CSMD2: variants seen among roughly 807,000 people sequenced by gnomAD.
The protein encoded by CSMD2 is CUB and Sushi multiple domains 2.
CSMD2 carries 130 observed loss-of-function variants against 398.5 expected under a neutral mutation model. That is an observed-to-expected ratio of 0.33 (90% CI 0.28 to 0.38). The LOEUF (loss-of-function observed/expected upper bound fraction) is 0.38, where lower values mean the gene tolerates loss of function less well. CSMD2 is among the 10% of genes least tolerant of loss of function. The probability of loss-of-function intolerance (pLI) is 1.00; values close to 1 mark genes in which losing one functional copy is unlikely to be tolerated. For missense variants in CSMD2, 3,829 were observed against 4,764.9 expected (o/e 0.80, Z 5.78); for synonymous variants, 1,828 against 1,908.5 (o/e 0.96, Z 1.10).
intron 10 of CSMD2, among the ~76,000 whole-genome samples, chr1:33,797,821 G>T (rs988749286): frequency 8.5e-5 from 13 of 152,108 alleles, no homozygotes; most frequent in Non-Finnish European, 1.5e-4. Flanking sequence ...CCAGCCCTGG[G>T]GCAGAGGACA....
chr1:34,121,958 G>C (rs1571188192), intron 1 of CSMD2, among the ~76,000 whole-genome samples: 1 of 150,812 alleles, frequency 6.6e-6, no homozygotes, highest in Middle Eastern at 3.5e-3. Context: ...AATAGGGTTA[G>C]TTAACACTCT....
At chr1:33,732,229 T>C in intron 15 of CSMD2, among the ~76,000 whole-genome samples, 1 of 152,170 alleles carries the variant, frequency 6.6e-6, no homozygotes, top group East Asian at 1.9e-4. Context: ...CCTGTGACTG[T>C]CCCAGCACCT....
chr1:34,002,031 T>C (rs563302673), intron 3 of CSMD2, among the ~76,000 whole-genome samples: 18 of 152,342 alleles, frequency 1.2e-4, no homozygotes, highest in African/African-American at 4.1e-4. Flanking sequence ...CCTTCAACCT[T>C]TGTTTTTTTT....
intron 3 of CSMD2, among the ~76,000 whole-genome samples, chr1:34,019,852 T>A (rs1028645665): frequency 5.9e-5 from 9 of 152,210 alleles, no homozygotes; most frequent in Admixed American, 5.9e-4. Context: ...ACTCCACAAC[T>A]GCCCTTCTTG....
intron 29 of CSMD2, among the ~76,000 whole-genome samples, chr1:33,639,803 C>T (rs1643009767): frequency 6.6e-6 from 1 of 152,176 alleles, no homozygotes; most frequent in South Asian, 2.1e-4. Context: ...ATAATAATGA[C>T]ATGGATAATG....
At chr1:34,083,085 A>T (rs1657440827) in intron 2 of CSMD2, among the ~76,000 whole-genome samples, 1 of 152,106 alleles carries the variant, frequency 6.6e-6, no homozygotes, top group Non-Finnish European at 1.5e-5. Flanking sequence ...AAAAATTAAA[A>T]AAAAAAAAAA....
intron 3 of CSMD2, among the ~76,000 whole-genome samples, chr1:33,939,904 G>A (rs1370607808): frequency 1.3e-5 from 2 of 152,192 alleles, no homozygotes; most frequent in African/African-American, 2.4e-5. Flanking sequence ...TTCCCTCACT[G>A]GCCTTCAATT....
intron 1 of CSMD2, among the ~76,000 whole-genome samples, chr1:34,160,404 A>G (rs921773615): frequency 6.6e-6 from 1 of 152,208 alleles, no homozygotes; most frequent in African/African-American, 2.4e-5. Context: ...TGGTATGCCA[A>G]GGGCTTATTG....
chr1:33,674,844 G>C (rs1644644575), intron 25 of CSMD2, among the ~76,000 whole-genome samples: 1 of 152,174 alleles, frequency 6.6e-6, no homozygotes, highest in Non-Finnish European at 1.5e-5. Context: ...TGAACAATCT[G>C]CTCCTGAATG....
At chr1:34,044,925 C>T (rs111267129) in intron 2 of CSMD2, among the ~76,000 whole-genome samples, 2 of 152,194 alleles carry the variant, frequency 1.3e-5, no homozygotes, top group African/African-American at 4.8e-5. Flanking sequence ...CTACTCCAGA[C>T]AGCAGCCACT....
chr1:34,141,945 G>A (rs1481835326), intron 1 of CSMD2, among the ~76,000 whole-genome samples: 1 of 152,116 alleles, frequency 6.6e-6, no homozygotes, highest in African/African-American at 2.4e-5. Context: ...GCTTGATGTG[G>A]GGAGAGAAGG....
chr1:34,028,016 C>T (rs982225072), intron 3 of CSMD2, among the ~76,000 whole-genome samples: 7 of 152,218 alleles, frequency 4.6e-5, no homozygotes, highest in African/African-American at 1.4e-4. Flanking sequence ...ATGCAGGATG[C>T]TCAGTTATAT....
chr1:33,729,722 C>T (rs116733335), intron 15 of CSMD2, among the ~76,000 whole-genome samples: 7 of 151,858 alleles, frequency 4.6e-5, no homozygotes, highest in African/African-American at 1.7e-4. Flanking sequence ...AGATGATTGA[C>T]CTCACTCTTA....
chr1:33,759,324 C>CTTTTTTTTTTTTT (rs756784492), intron 13 of CSMD2, among the ~76,000 whole-genome samples: 3 of 124,776 alleles, frequency 2.4e-5, no homozygotes, highest in Non-Finnish European at 3.4e-5. Context: ...CTTTTTTTTT[C>CTTTTTTTTTTTTT]TTTTTTTTTT....
rs561920209 is a variant in CSMD2 at position 33,920,297 on chromosome 1, G to A, written c.713-1996C>T. Among the ~76,000 whole-genome samples the A allele has an allele frequency of 9.8e-4, 149 of 151,848 alleles. No individual in the cohort carries two copies. In the Middle Eastern group the frequency reaches 0.02, roughly 21 times the overall value. ...TAATCCCAGCAATTTGGGAGGCCGA[G>A]GTGGGCGGATCAACTGAGGTCAGGA... On this transcript the variant is annotated intron_variant, in intron 4 of 70. Transcript: ENST00000373381.
intron 7 of CSMD2, 116 bp from the exon 8 acceptor site, chr1:33,820,672 G>A: frequency 1.4e-6 from 1 of 711,526 alleles, no homozygotes; most frequent in South Asian, 1.8e-5. Flanking sequence ...GAGACAGAAT[G>A]AGGCCCTGCT....
At chr1:33,698,149 G>C (rs1645484690) in intron 24 of CSMD2, among the ~76,000 whole-genome samples, 1 of 152,198 alleles carries the variant, frequency 6.6e-6, no homozygotes. Context: ...TCAGATCACT[G>C]TCTCTTGTCC....
chr1:34,128,480 C>T (rs879879829), intron 1 of CSMD2, among the ~76,000 whole-genome samples: 2 of 152,196 alleles, frequency 1.3e-5, no homozygotes, highest in Admixed American at 6.5e-5. Context: ...CAAGCCAGCA[C>T]GTTGTCGAAG....
At chr1:33,637,084 T>C (rs1161840342) in intron 29 of CSMD2, among the ~76,000 whole-genome samples, 1 of 152,220 alleles carries the variant, frequency 6.6e-6, no homozygotes, top group Non-Finnish European at 1.5e-5. Flanking sequence ...TCCTCTCTCT[T>C]CTGCCCCATC....
Sources: allele counts gnomAD v4.1 joint callset (sites outside exome capture counted in the v4.1 genomes callset), GRCh38; gene constraint gnomAD v4.1.1; transcripts MANE v1.5; gene names NCBI Gene and HGNC (gene_info 2026-07-23, HGNC 2026-07-21).